SPON1: variants seen among roughly 807,000 people sequenced by gnomAD.
SPON1 encodes spondin-1.
Under a neutral mutation model 111.7 loss-of-function variants are expected in SPON1, and 52 were observed. The observed-to-expected ratio is 0.47, with a 90% CI of 0.37 to 0.59. The LOEUF is 0.59. SPON1 is among the 20% of genes least tolerant of loss of function. SPON1 has a pLI of 0.00. For synonymous variants in SPON1, 410 were observed against 395.8 expected (o/e 1.04, Z -0.43); for missense variants, 957 against 1,068.5 (o/e 0.90, Z 1.46).
At chr11:14,165,981 A>G (rs1554931847) in intron 6 of SPON1, among the ~76,000 whole-genome samples, 1 of 152,170 alleles carries the variant, frequency 6.6e-6, no homozygotes, top group Non-Finnish European at 1.5e-5. Context: ...AGTTGGGCAA[A>G]TTCCTCTTCT....
intron 2 of SPON1, among the ~76,000 whole-genome samples, chr11:13,998,981 C>T (rs1191160639): frequency 3.3e-5 from 5 of 152,186 alleles, no homozygotes; most frequent in African/African-American, 1.2e-4. Flanking sequence ...GCAATCCTCT[C>T]ATCTTTAAAA....
At chr11:14,053,425 T>C (rs1554918832) in intron 3 of SPON1, among the ~76,000 whole-genome samples, 1 of 152,222 alleles carries the variant, frequency 6.6e-6, no homozygotes, top group Non-Finnish European at 1.5e-5. Context: ...CTAGCTTTTT[T>C]TCACTTAACA....
At chr11:14,224,661 C>T (rs1848717535) in intron 6 of SPON1, 5 of 412,170 alleles carry the variant, frequency 1.2e-5, no homozygotes, top group Admixed American at 9.8e-5. Context: ...AGCATAGAGG[C>T]CATACCCAGT....
chr11:14,089,155 C>T (rs138219938), intron 5 of SPON1, among the ~76,000 whole-genome samples: 1 of 152,210 alleles, frequency 6.6e-6, no homozygotes, highest in African/African-American at 2.4e-5. Context: ...CATTCTCCAT[C>T]CAGTTTTGTG....
chr11:14,168,349 A>C (rs1848055571), intron 6 of SPON1, among the ~76,000 whole-genome samples: 1 of 152,228 alleles, frequency 6.6e-6, no homozygotes, highest in Admixed American at 6.5e-5. Context: ...AAGTCACGTG[A>C]ACAAAAAGGC....
At chr11:14,156,276 G>A (rs10766154) in intron 6 of SPON1, among the ~76,000 whole-genome samples, 41,814 of 125,716 alleles carry the variant, frequency 0.33, 7,856 homozygotes, top group East Asian at 0.49. Context: ...GTGTTTTTTG[G>A]CTGCATAAAT....
intron 2 of SPON1, among the ~76,000 whole-genome samples, chr11:13,990,098 C>G (rs1848215812): frequency 6.6e-6 from 1 of 152,052 alleles, no homozygotes; most frequent in Non-Finnish European, 1.5e-5. Flanking sequence ...TCCTGAATAT[C>G]CTTGTTAATT....
chr11:14,224,735 T>C (rs782590588), intron 6 of SPON1: 36 of 504,508 alleles, frequency 7.1e-5, no homozygotes, highest in Non-Finnish European at 1.2e-4. Flanking sequence ...AGGATACACA[T>C]AAGGGTGAAA....
intron 6 of SPON1, among the ~76,000 whole-genome samples, chr11:14,174,805 A>G (rs1848155725): frequency 6.6e-6 from 1 of 152,214 alleles, no homozygotes; most frequent in South Asian, 2.1e-4. Flanking sequence ...ACTTTTAATT[A>G]AGCTGATTTT....
chr11:14,014,246 G>A (rs1848427758), intron 2 of SPON1, among the ~76,000 whole-genome samples: 1 of 152,154 alleles, frequency 6.6e-6, no homozygotes, highest in African/African-American at 2.4e-5. Flanking sequence ...TGAGATGGTA[G>A]CAGGCATGGA....
intron 2 of SPON1, among the ~76,000 whole-genome samples, chr11:13,983,236 G>A (rs535602437): frequency 6.6e-6 from 1 of 152,248 alleles, no homozygotes; most frequent in Non-Finnish European, 1.5e-5. Context: ...AGCACTTGGA[G>A]CCCTGGCTAG....
intron 5 of SPON1, among the ~76,000 whole-genome samples, chr11:14,097,453 T>C (rs973860854): frequency 1.3e-5 from 2 of 152,250 alleles, no homozygotes; most frequent in African/African-American, 4.8e-5. Context: ...TTTTATGTTT[T>C]GGTTATTATG....
rs537515044 is a variant in SPON1 at position 14,172,884 on chromosome 11, G to A, written c.825+37316G>A. 9.0e-4 allele frequency among the ~76,000 whole-genome samples: 137 copies of A among 151,842 alleles called. 3 individuals are homozygous for A. Among genetic ancestry groups the A allele is most frequent in the African/African-American group, 2.4e-3 (100 of 41,486 alleles). On this transcript the variant is annotated intron_variant, in intron 6 of 15. Coordinates refer to ENST00000576479, the MANE Select transcript of SPON1 (RefSeq NM_006108.4). The stretch of plus-strand genomic sequence containing the variant: ...TCAGCTGTTAGTCTGATGGGCTTCC[G>A]TTTGTGGGTAACCTGACCTTTCTCT...
At position 14,224,802 on chromosome 11, in the gene SPON1, G is replaced by A. The variant is rs782262621; in HGVS notation, c.826-18530G>A. On this transcript the variant is annotated intron_variant, in intron 6 of 15. Coordinates refer to ENST00000576479, the MANE Select transcript of SPON1 (RefSeq NM_006108.4). ...GTGGGGCCAAAGGGTGAGCCCTTGG[G>A]CTCCATGCTGAACAAAATTGGGCTT... 23 of 439,920 alleles carry A rather than the reference G, an allele frequency of 5.2e-5. 1 individual carries two copies. The highest frequency in any genetic ancestry group is 8.6e-5 in the Non-Finnish European group (19 of 222,150). 27.3% of individuals were successfully genotyped at this position (439,920 alleles called of 1,614,324 possible).
intron 6 of SPON1, among the ~76,000 whole-genome samples, chr11:14,155,290 T>C (rs952719010): frequency 1.3e-5 from 2 of 152,144 alleles, no homozygotes; most frequent in African/African-American, 4.8e-5. Flanking sequence ...CTCACATTGC[T>C]ATAAAGAACT....
chr11:13,972,851 G>C (rs1384780133), intron 1 of SPON1, among the ~76,000 whole-genome samples: 1 of 152,138 alleles, frequency 6.6e-6, no homozygotes, highest in African/African-American at 2.4e-5. Flanking sequence ...GCAGAAAAGG[G>C]AATGCACTGA....
At position 14,160,453 on chromosome 11, in the gene SPON1, ATT is replaced by A. The variant is rs1554930853; in HGVS notation, c.825+24887_825+24888del. Among the ~76,000 whole-genome samples the A allele has an allele frequency of 1.6e-4, 4 of 24,520 alleles. 1 individual carries two copies. The highest frequency in any genetic ancestry group is 2.0e-4 in the African/African-American group (1 of 4,970). The allele number at this position is 24,520 out of a possible 152,430, so 16.1% of individuals were successfully genotyped here. A position where few individuals can be genotyped will look rare whatever the true frequency, so the allele number is the denominator to read the frequency against. Reference sequence around the variant, plus strand: ...TATTTATATATATATTTATATATATATTTATATATATATATTTATATATATAT... The same window carrying A: ...TATTTATATATATATTTATATATATATATATATATATATTTATATATATAT... On this transcript the variant is annotated intron_variant, in intron 6 of 15. Transcript: ENST00000576479.
intron 3 of SPON1, among the ~76,000 whole-genome samples, chr11:14,050,015 T>G (rs1468786310): frequency 2.0e-5 from 3 of 151,962 alleles, no homozygotes; most frequent in African/African-American, 7.2e-5. Flanking sequence ...AATGGAAGCA[T>G]CACTCAGGGT....
chr11:13,968,460 T>C (rs1554908276), intron 1 of SPON1, among the ~76,000 whole-genome samples: 1 of 152,240 alleles, frequency 6.6e-6, no homozygotes, highest in East Asian at 1.9e-4. Context: ...AAATACACAA[T>C]GACTGTTGAA....
Sources: allele counts gnomAD v4.1 joint callset (sites outside exome capture counted in the v4.1 genomes callset), GRCh38; gene constraint gnomAD v4.1.1; transcripts MANE v1.5; gene names NCBI Gene and HGNC (gene_info 2026-07-23, HGNC 2026-07-21).